Variants in CLNK observed in about 807,000 individuals in gnomAD.
The protein encoded by CLNK is cytokine-dependent hematopoietic cell linker.
In CLNK, 74 loss-of-function variants were observed where a neutral mutation model predicts 68.6. That is an observed-to-expected ratio of 1.08 (90% CI 0.89 to 1.31). The LOEUF (loss-of-function observed/expected upper bound fraction) is 1.31, where lower values mean the gene tolerates loss of function less well. Ranked by LOEUF, CLNK falls within the 50% of genes most tolerant of loss-of-function variation. CLNK has a pLI of 0.00. For synonymous variants in CLNK, 198 were observed against 172.2 expected (o/e 1.15, Z -1.17); for missense variants, 553 against 515.3 (o/e 1.07, Z -0.71).
chr4:10,503,137 T>C lies in CLNK; in HGVS notation c.985-1726A>G, dbSNP rs530465627. Among the ~76,000 whole-genome samples, 22 of 152,264 alleles carry C rather than the reference T, an allele frequency of 1.4e-4. 1 individual carries two copies. The South Asian group carries it at 4.4e-3, about 30-fold the overall frequency. On this transcript the variant is annotated intron_variant, in intron 17 of 18. Coordinates refer to ENST00000226951, the MANE Select transcript of CLNK (RefSeq NM_052964.4). ...ACTGAAAAATCTGTAAGTGTAATTG[T>C]GTGTATTGTATAGATGGTTATAAGT...
chr4:10,569,206 T>A (rs1720243144), intron 5 of CLNK, among the ~76,000 whole-genome samples: 1 of 150,896 alleles, frequency 6.6e-6, no homozygotes, highest in African/African-American at 2.4e-5. Flanking sequence ...TTTTTTTTTT[T>A]GGTCATTTTT....
At chr4:10,725,860 AAAAAG>A in the CLNK span, among the ~76,000 whole-genome samples, 1 of 151,818 alleles carries the variant, frequency 6.6e-6, no homozygotes, top group Non-Finnish European at 1.5e-5. Context: ...TCTAAAAAAA[AAAAAG>A]AAAAAAGAAA....
chr4:10,499,576 A>G (rs6448014), intron 18 of CLNK, among the ~76,000 whole-genome samples: 151,240 of 152,342 alleles, frequency 0.99, 75,087 homozygotes, highest in Non-Finnish European at 1. Flanking sequence ...CAGCCCTAGC[A>G]ATGTGCCCTA....
intron 8 of CLNK, among the ~76,000 whole-genome samples, chr4:10,549,795 C>A (rs915738407): frequency 3.3e-5 from 5 of 152,234 alleles, no homozygotes; most frequent in African/African-American, 1.2e-4. Context: ...TGTTCAAAGT[C>A]TTTCCCATCT....
intron 8 of CLNK, among the ~76,000 whole-genome samples, chr4:10,550,188 C>A (rs929307828): frequency 3.9e-5 from 6 of 152,132 alleles, no homozygotes; most frequent in South Asian, 2.1e-4. Context: ...TTACATACAG[C>A]CATTATTAAA....
At chr4:10,503,784 T>A (rs1351038058) in intron 17 of CLNK, among the ~76,000 whole-genome samples, 7 of 119,844 alleles carry the variant, frequency 5.8e-5, no homozygotes, top group African/African-American at 2.6e-4. Context: ...TTTTTTTTTT[T>A]TTTTTTTTTT....
At chr4:10,675,937 C>T (rs781367945) in intron 1 of CLNK, among the ~76,000 whole-genome samples, 3 of 152,144 alleles carry the variant, frequency 2.0e-5, no homozygotes, top group Non-Finnish European at 1.5e-5. Flanking sequence ...CCACACAATA[C>T]ACATCTGACT....
chr4:10,718,378 A>G, the CLNK span, among the ~76,000 whole-genome samples: 1 of 152,206 alleles, frequency 6.6e-6, no homozygotes, highest in East Asian at 1.9e-4. Flanking sequence ...GACAAAGAAA[A>G]AATCTTGAAA....
In CLNK at chr4:10,565,242, A is replaced by G. The variant is rs80286080; in HGVS notation, c.293-465T>C. ...TCTTTGTGTCCCCCAGTCAATCCCA[A>G]CATGGAAACTGGCACGTAGTAGATG... On this transcript the variant is annotated intron_variant, in intron 6 of 18. Coordinates refer to ENST00000226951, the MANE Select transcript of CLNK (RefSeq NM_052964.4). 7.9e-3 allele frequency among the ~76,000 whole-genome samples: 1,207 copies of G among 152,306 alleles called. 21 individuals carry two copies. The highest frequency in any genetic ancestry group is 0.056 in the East Asian group (292 of 5,178).
At chr4:10,607,070 T>A (rs559949169) in intron 2 of CLNK, among the ~76,000 whole-genome samples, 8 of 152,182 alleles carry the variant, frequency 5.3e-5, no homozygotes, top group Admixed American at 1.3e-4. Flanking sequence ...TAGACATATC[T>A]TGGTTCAAAA....
At chr4:10,705,876 A>G in the CLNK span, among the ~76,000 whole-genome samples, 1 of 152,232 alleles carries the variant, frequency 6.6e-6, no homozygotes, top group Non-Finnish European at 1.5e-5. Context: ...TAAATCGGGT[A>G]AAGAGCACGG....
chr4:10,732,289 TACTGAAGGTTGGGCGG>T, the CLNK span, among the ~76,000 whole-genome samples: 2 of 152,176 alleles, frequency 1.3e-5, no homozygotes, highest in Admixed American at 1.3e-4. Flanking sequence ...TCTGGCACAT[TACTGAAGGTTGGGCGG>T]ATTTAACAGG....
At chr4:10,536,871 T>A (rs1718779859) in intron 11 of CLNK, among the ~76,000 whole-genome samples, 2 of 152,002 alleles carry the variant, frequency 1.3e-5, no homozygotes, top group Admixed American at 1.3e-4. Context: ...AGTAACCCAA[T>A]AGACCTGTGT....
chr4:10,716,348 A>G, the CLNK span, among the ~76,000 whole-genome samples: 1 of 152,254 alleles, frequency 6.6e-6, no homozygotes, highest in Non-Finnish European at 1.5e-5. Flanking sequence ...AAAGAGAACC[A>G]TGAAGAACAA....
chr4:10,506,191 A>G (rs551115049), intron 17 of CLNK, among the ~76,000 whole-genome samples: 89 of 152,326 alleles, frequency 5.8e-4, no homozygotes, highest in African/African-American at 1.9e-3. Flanking sequence ...GATGACAAGT[A>G]TTCCAGTTCT....
chr4:10,674,850 G>A (rs191392495), intron 1 of CLNK, among the ~76,000 whole-genome samples: 342 of 152,322 alleles, frequency 2.2e-3, no homozygotes, highest in South Asian at 6.2e-3. Context: ...GTAAGAACAT[G>A]TGGTGTTTGG....
rs182397179 is a variant in CLNK, at chr4:10,513,048, A to G, written c.906+416T>C. Among the ~76,000 whole-genome samples the G allele has an allele frequency of 6.6e-3, 1,009 of 152,242 alleles. 14 individuals carry two copies. The highest frequency in any genetic ancestry group is 0.023 in the African/African-American group (963 of 41,546). Reference sequence around the variant, plus strand: ...TTGTCTGGCACATAATAACTGCTCAACTAATGGTCGCTGGACTGTTCAACT... The same window carrying G: ...TTGTCTGGCACATAATAACTGCTCAGCTAATGGTCGCTGGACTGTTCAACT... On this transcript the variant is annotated intron_variant, in intron 16 of 18. Transcript: ENST00000226951.
intron 1 of CLNK, among the ~76,000 whole-genome samples, chr4:10,668,902 TG>T (rs1407512026): frequency 2.0e-5 from 3 of 152,176 alleles, no homozygotes; most frequent in African/African-American, 7.2e-5. Flanking sequence ...GCTGTTAATA[TG>T]GTTTTATATC....
chr4:10,661,220 A>G (rs1007757648), intron 2 of CLNK, among the ~76,000 whole-genome samples: 1 of 152,238 alleles, frequency 6.6e-6, no homozygotes, highest in African/African-American at 2.4e-5. Context: ...TTTATCATTC[A>G]TACACACGAG....
Sources: allele counts gnomAD v4.1 joint callset (sites outside exome capture counted in the v4.1 genomes callset), GRCh38; gene constraint gnomAD v4.1.1; transcripts MANE v1.5; gene names NCBI Gene and HGNC (gene_info 2026-07-23, HGNC 2026-07-21).